Variants in CAPN9 observed in about 807,000 individuals in gnomAD.
CAPN9 encodes calpain 9.
A neutral mutation model predicts 92.8 loss-of-function variants in CAPN9; 81 were observed. That is an observed-to-expected ratio of 0.87 (90% CI 0.73 to 1.05). CAPN9 has a LOEUF of 1.05. Among genes scored for constraint, CAPN9 ranks in the 50% least tolerant of loss-of-function variants. CAPN9 has a pLI of 0.00. For synonymous variants in CAPN9, 304 were observed against 328.0 expected (o/e 0.93, Z 0.79); for missense variants, 848 against 866.2 (o/e 0.98, Z 0.26).
At chr1:230,786,675 A>G (rs1001393208) in intron 12 of CAPN9, among the ~76,000 whole-genome samples, 15 of 152,232 alleles carry the variant, frequency 9.9e-5, no homozygotes, top group Admixed American at 5.9e-4. Context: ...TTTTCTTAAC[A>G]TTAGTGACTT....
In CAPN9 at chr1:230,798,162, G is replaced by A; in HGVS notation, c.1988G>A (p.Arg663Gln). The change falls in exon 19 of 20, where the codon CGG becomes CAG. Residue 663 changes from arginine (R) to glutamine (Q), a missense_variant and splice_region_variant. Arg to Gln is a conservative substitution (Grantham distance 43). Transcript: ENST00000271971. Reference sequence around the variant, plus strand: ...GCCTTTCCCCCTTCTCTCCTATCAGGGGTGTTCCAGGCTCTCAGTACAAAG... The same window carrying A: ...GCCTTTCCCCCTTCTCTCCTATCAGAGGTGTTCCAGGCTCTCAGTACAAAG... Reference protein sequence around the residue: ...NCLVRLENASRVFQALSTKNK... With the variant: ...NCLVRLENASQVFQALSTKNK... 6.2e-7 allele frequency: 1 copy of A among 1,606,250 alleles called. No individual in the cohort carries two copies. Among genetic ancestry groups the A allele is most frequent in the Non-Finnish European group, 8.5e-7 (1 of 1,172,828 alleles).
Position 230,800,287 on chromosome 1 carries a change from A to T in CAPN9, c.2047-1283A>T, listed in dbSNP as rs555748024. ...GAAAGAAAGAAAGAAAGAAAGAAAGAAAGAAAGAAAGAAAGAAAGGAAAAA... is the reference window on the plus strand; with the variant it reads ...GAAAGAAAGAAAGAAAGAAAGAAAGTAAGAAAGAAAGAAAGAAAGGAAAAA... On this transcript the variant is annotated intron_variant, in intron 19 of 19. Transcript: ENST00000271971. Among the ~76,000 whole-genome samples the T allele has an allele frequency of 9.3e-3, 1,184 of 126,816 alleles. 41 individuals are homozygous for T. Among genetic ancestry groups the T allele is most frequent in the South Asian group, 0.025 (98 of 3,878 alleles). 83.2% of individuals were successfully genotyped at this position (126,816 alleles called of 152,430 possible).
intron 3 of CAPN9, among the ~76,000 whole-genome samples, chr1:230,759,859 T>C (rs192966109): frequency 1.2e-3 from 182 of 152,354 alleles, no homozygotes; most frequent in African/African-American, 4.2e-3. Flanking sequence ...CATTTAAAAC[T>C]ATAAGTGATG....
intron 3 of CAPN9, among the ~76,000 whole-genome samples, chr1:230,760,991 C>G (rs1319500486): frequency 1.3e-5 from 2 of 152,088 alleles, no homozygotes; most frequent in African/African-American, 4.8e-5. Context: ...ATCCCCTGAC[C>G]CAGTCCTCTC....
In CAPN9 at chr1:230,761,590, C is replaced by T. The variant is rs568759313; in HGVS notation, c.403-1063C>T. Among the ~76,000 whole-genome samples the T allele has an allele frequency of 4.1e-5, 6 of 145,446 alleles. No homozygotes were observed. In the East Asian group the frequency reaches 7.9e-4, roughly 19 times the overall value. On this transcript the variant is annotated intron_variant, in intron 3 of 19. Coordinates refer to ENST00000271971, the MANE Select transcript of CAPN9 (RefSeq NM_006615.3). ...CACACACAGACACCCTCAGCCACAT[C>T]GTGGCCAACTCTTCTGATTGGGATT...
At position 230,789,150 on chromosome 1, in the gene CAPN9, C is replaced by T. The variant is rs374714037; in HGVS notation, c.1600-982C>T. 6.6e-5 allele frequency among the ~76,000 whole-genome samples: 10 copies of T among 152,198 alleles called. 1 individual carries two copies. The highest frequency in any genetic ancestry group is 2.4e-4 in the African/African-American group (10 of 41,502). On this transcript the variant is annotated intron_variant, in intron 13 of 19. Transcript: ENST00000271971. Reference sequence around the variant, plus strand: ...GACATGTGTTAGAAGCACTCCACAGCATAACACACGGCTAGCGCAAAACCC... The same window carrying T: ...GACATGTGTTAGAAGCACTCCACAGTATAACACACGGCTAGCGCAAAACCC...
intron 17 of CAPN9, among the ~76,000 whole-genome samples, chr1:230,793,564 G>A (rs3828128): frequency 0.19 from 29,597 of 152,142 alleles, 3,283 homozygotes; most frequent in Non-Finnish European, 0.25. Context: ...TAGTTTCCAC[G>A]AGCGCTCTGC....
chr1:230,755,801 G>A (rs550529347), intron 2 of CAPN9, among the ~76,000 whole-genome samples: 3 of 152,190 alleles, frequency 2.0e-5, no homozygotes, highest in Admixed American at 1.3e-4. Flanking sequence ...CACAGATGAG[G>A]AAATGGAGGC....
chr1:230,755,453 G>T, intron 2 of CAPN9, 47 bp downstream of exon 2: 1 of 1,481,910 alleles, frequency 6.7e-7, no homozygotes, highest in Non-Finnish European at 9.3e-7. Flanking sequence ...TTGAGTCACT[G>T]GGACAGGCAA....
At chr1:230,748,640 G>A (rs1664578568) in intron 1 of CAPN9, among the ~76,000 whole-genome samples, 1 of 152,090 alleles carries the variant, frequency 6.6e-6, no homozygotes, top group African/African-American at 2.4e-5. Context: ...CTAGCACACA[G>A]AAGGTTTCCA....
rs567628179 is a variant in CAPN9, at chr1:230,772,948, G to A, written c.875+849G>A. 4.6e-5 allele frequency among the ~76,000 whole-genome samples: 7 copies of A among 152,118 alleles called. No homozygotes were observed. The East Asian group carries it at 1.4e-3, about 30-fold the overall frequency. The stretch of plus-strand genomic sequence containing the variant: ...GAACCAGGGATGTTTGTGTGGGTGC[G>A]TGGCAGGGCCTGCCTGAAGCTGTTG... On this transcript the variant is annotated intron_variant, in intron 7 of 19. Transcript: ENST00000271971.
chr1:230,784,469 A>G (rs1039545418), intron 11 of CAPN9, among the ~76,000 whole-genome samples: 4 of 152,266 alleles, frequency 2.6e-5, no homozygotes, highest in Admixed American at 6.5e-5. Flanking sequence ...CCACTGCTCT[A>G]TGCAGCCTCA....
At chr1:230,754,115 G>A (rs1001433584) in intron 1 of CAPN9, among the ~76,000 whole-genome samples, 3 of 151,872 alleles carry the variant, frequency 2.0e-5, no homozygotes, top group African/African-American at 7.3e-5. Context: ...CAGGCTGGGG[G>A]AGGGGCGGGG....
Position 230,780,657 on chromosome 1 carries a change from A to G in CAPN9, c.1430A>G (p.Gln477Arg). ...ATTCCCAGCACTTTTGAGCCCCACC[A>G]GGAAGCTGATTTCTGTCTGAGAATC... ...ILIPSTFEPH[Q>R]EADFCLRIFS... The change falls in exon 11 of 20, where the codon CAG becomes CGG. Residue 477 changes from glutamine (Q) to arginine (R), a missense_variant. Coordinates refer to ENST00000271971, the MANE Select transcript of CAPN9 (RefSeq NM_006615.3). 6.2e-7 allele frequency: 1 copy of G among 1,614,128 alleles called. No individual in the cohort carries two copies. Among genetic ancestry groups the G allele is most frequent in the Admixed American group, 1.7e-5 (1 of 60,014 alleles).
rs760295039 is a variant in CAPN9, at chr1:230,792,893, C to G, written c.1835C>G (p.Ser612Cys). 19 of 1,613,974 alleles carry G rather than the reference C, an allele frequency of 1.2e-5. No individual in the cohort carries two copies. The East Asian group carries it at 4.2e-4, about 36-fold the overall frequency. Residue 612 changes from serine (S) to cysteine (C), a missense_variant, in exon 17 of 20, where the codon TCT becomes TGT. Coordinates refer to ENST00000271971, the MANE Select transcript of CAPN9 (RefSeq NM_006615.3). ...RFDADKSGTM[S>C]TYELRTALKA... Reference sequence around the variant, plus strand: ...GATGCTGACAAGTCCGGCACCATGTCTACCTATGAACTACGGACTGCACTG... The same window carrying G: ...GATGCTGACAAGTCCGGCACCATGTGTACCTATGAACTACGGACTGCACTG...
At chr1:230,795,448 T>C in intron 18 of CAPN9, 169 bp downstream of exon 18, 2 of 566,964 alleles carry the variant, frequency 3.5e-6, no homozygotes, top group South Asian at 4.0e-5. Context: ...AGGAGCAGAA[T>C]GTGCCAGCCT....
chr1:230,767,589 C>G lies in CAPN9; in HGVS notation c.585C>G (p.Ala195=). ...EALKGGSAIE[A]MEDFTGGVAE... Reference sequence around the variant, plus strand: ...TGAAGGGAGGCAGCGCCATCGAGGCCATGGAAGACTTCACTGGGGGTGTGG... The same window carrying G: ...TGAAGGGAGGCAGCGCCATCGAGGCGATGGAAGACTTCACTGGGGGTGTGG... The change falls in exon 5 of 20, where the codon GCC becomes GCG. Residue 195 remains alanine (A), a synonymous_variant. Coordinates refer to ENST00000271971, the MANE Select transcript of CAPN9 (RefSeq NM_006615.3). 1 of 1,613,686 alleles carries G rather than the reference C, an allele frequency of 6.2e-7. No individual in the cohort carries two copies. The highest frequency in any genetic ancestry group is 8.5e-7 in the Non-Finnish European group (1 of 1,179,788).
chr1:230,787,487 A>G (rs772499649), intron 12 of CAPN9, 35 bp from the exon 13 acceptor site: 2 of 1,576,438 alleles, frequency 1.3e-6, no homozygotes, highest in South Asian at 1.1e-5. Flanking sequence ...TTTTTTGTGG[A>G]TCATTTTGTG....
At chr1:230,769,416 G>C (rs1016912404) in intron 6 of CAPN9, among the ~76,000 whole-genome samples, 153 bp downstream of exon 6, 1 of 152,174 alleles carries the variant, frequency 6.6e-6, no homozygotes, top group South Asian at 2.1e-4. Flanking sequence ...AATTCAAAAC[G>C]GCAAGCCAGG....
Sources: gnomAD v4.1 joint callset for allele counts (sites outside exome capture counted in the v4.1 genomes callset) on GRCh38, gnomAD v4.1.1 for gene constraint, MANE v1.5 for transcripts, NCBI Gene and HGNC (gene_info 2026-07-23, HGNC 2026-07-21) for gene names.